Variants in PACS2 observed in about 807,000 individuals in gnomAD.
PACS2 encodes PACS1-like protein.
A neutral mutation model predicts 113.0 loss-of-function variants in PACS2; 36 were observed. The observed-to-expected ratio is 0.32, with a 90% CI of 0.24 to 0.42. The LOEUF (loss-of-function observed/expected upper bound fraction) is 0.42. Ranked by LOEUF, PACS2 falls within the 10% of genes least tolerant of loss-of-function variation. The pLI, the probability that PACS2 is intolerant of heterozygous loss-of-function variation, is 1.00. For missense variants in PACS2, 1,015 were observed against 1,239.5 expected (o/e 0.82, Z 2.72); for synonymous variants, 589 against 536.1 (o/e 1.10, Z -1.36).
At chr14:105,369,039 G>A (rs782426705) in intron 7 of PACS2, among the ~76,000 whole-genome samples, 1 of 152,244 alleles carries the variant, frequency 6.6e-6, no homozygotes, top group Non-Finnish European at 1.5e-5. Context: ...ACCGCCTGGC[G>A]CCTGGACACC....
Position 105,314,942 on chromosome 14 carries a change from C to T in PACS2, c.24C>T (p.Gly8=). ...CCATGGCCGAGCGAGGCCGCCTCGG[C>T]CTCCCCGGCGCGCCCGGCGCGCTCA... The part of the protein sequence containing the change: MAERGRL[G]LPGAPGALNT... Residue 8 remains glycine, a synonymous_variant, in exon 1 of 25, where the codon GGC becomes GGT. Transcript: ENST00000447393. 2 of 1,158,736 alleles carry T rather than the reference C, an allele frequency of 1.7e-6. No homozygotes were observed. Among genetic ancestry groups the T allele is most frequent in the Non-Finnish European group, 2.2e-6 (2 of 924,260 alleles). The allele number at this position is 1,158,736 out of a possible 1,614,324, so 71.8% of individuals were successfully genotyped here.
At chr14:105,380,236 G>A (rs1337573507) in intron 11 of PACS2, 82 bp downstream of exon 11, 12 of 1,207,092 alleles carry the variant, frequency 9.9e-6, no homozygotes, top group Middle Eastern at 3.8e-4. Flanking sequence ...CTGGAGGGGC[G>A]GGGCCCACAT....
Position 105,392,670 on chromosome 14 carries a change from A to G in PACS2, c.2307A>G (p.Ala769=), listed in dbSNP as rs2141315372. Reference sequence around the variant, plus strand: ...GGCTGCAGGTGGACTACTGGACGGCAGCACAGCCTGCGGACAGGAAGAGGG... The same window carrying G: ...GGCTGCAGGTGGACTACTGGACGGCGGCACAGCCTGCGGACAGGAAGAGGG... ...LMGLQVDYWT[A]AQPADRKRDA... The change falls in exon 23 of 25, where the codon GCA becomes GCG. Residue 769 remains alanine (A), a synonymous_variant. Transcript: ENST00000447393. 6.2e-7 allele frequency: 1 copy of G among 1,612,474 alleles called. No individual in the cohort carries two copies. The highest frequency in any genetic ancestry group is 8.5e-7 in the Non-Finnish European group (1 of 1,179,770).
chr14:105,385,684 G>C lies in PACS2; in HGVS notation c.2001-1G>C. 1 of 1,521,434 alleles carries C rather than the reference G, an allele frequency of 6.6e-7. No individual in the cohort carries two copies. The allele number at this position is 1,521,434 out of a possible 1,614,324, so 94.2% of individuals were successfully genotyped here. ...TTCTCTTTTGGTGGCTTTCTGAAAA[G>C]GAAAAAGCATTTTCATTTTGACTTT... is the stretch of plus-strand genomic sequence containing the variant. On this transcript the variant is annotated splice_acceptor_variant, in intron 18 of 24. Transcript: ENST00000447393. LOFTEE classifies it high-confidence loss of function.
chr14:105,387,892 G>T (rs2081232379), intron 19 of PACS2, among the ~76,000 whole-genome samples: 1 of 152,208 alleles, frequency 6.6e-6, no homozygotes. Flanking sequence ...GCGTGCCTGG[G>T]AGGACACAGA....
At chr14:105,377,835 G>T (rs887707812) in intron 9 of PACS2, among the ~76,000 whole-genome samples, 1 of 152,244 alleles carries the variant, frequency 6.6e-6, no homozygotes, top group Non-Finnish European at 1.5e-5. Flanking sequence ...CGAGGCTGTG[G>T]CCTCATTCTT....
intron 1 of PACS2, among the ~76,000 whole-genome samples, chr14:105,302,337 G>A (rs2058064232): frequency 6.6e-6 from 1 of 151,336 alleles, no homozygotes; most frequent in African/African-American, 2.4e-5. Flanking sequence ...CCGAGTAGCT[G>A]GGATTACAGG....
intron 16 of PACS2, 150 bp downstream of exon 16, chr14:105,383,663 C>T: frequency 1.6e-6 from 1 of 631,838 alleles, no homozygotes; most frequent in Non-Finnish European, 2.7e-6. Context: ...GGCGTGGTGT[C>T]CCTGCTTGCT....
At position 105,392,852 on chromosome 14, in the gene PACS2, T is replaced by A; in HGVS notation, c.2482+7T>A. 1 of 1,588,180 alleles carries A rather than the reference T, an allele frequency of 6.3e-7. No individual in the cohort carries two copies. Among genetic ancestry groups the A allele is most frequent in the Non-Finnish European group, 8.6e-7 (1 of 1,169,104 alleles). On this transcript the variant is annotated splice_region_variant and intron_variant, in intron 23 of 24. Transcript: ENST00000447393. ...AAGGAGAAGAACAAGAAGGGTGAGG[T>A]GGGGCAGGCTATAAGGCCACACGGC...
intron 12 of PACS2, 97 bp downstream of exon 12, chr14:105,381,196 C>A: frequency 1.9e-6 from 2 of 1,038,362 alleles, no homozygotes; most frequent in Non-Finnish European, 2.8e-6. Context: ...TCAGTCCATC[C>A]TGATGAGCTC....
At position 105,315,676 on chromosome 14, in the gene PACS2, C is replaced by T; in HGVS notation, c.119+639C>T. 1 of 152,334 alleles carries T rather than the reference C, an allele frequency of 6.6e-6. No individual in the cohort carries two copies. Among genetic ancestry groups the T allele is most frequent in the African/African-American group, 2.4e-5 (1 of 41,478 alleles). The allele number at this position is 152,334 out of a possible 1,614,324, so 9.4% of individuals were successfully genotyped here. On this transcript the variant is annotated intron_variant, in intron 1 of 24. Coordinates refer to ENST00000447393, the MANE Select transcript of PACS2 (RefSeq NM_001100913.3). The surrounding 1 kb of genome is among the most constrained non-coding windows in gnomAD (Gnocchi z 4.4). ...TGCACTTGGTAGGGGGGCGCCCGGT[C>T]GCCCAGCGGTAACGATTGGACAGGG...
chr14:105,393,206 T>G lies in PACS2; in HGVS notation c.2483-16T>G. Reference sequence around the variant, plus strand: ...GGAGCAGCAAGATGACAGCAGGGCCTCTTTTCTCCTCCCAGTGATGTTTCT... The same window carrying G: ...GGAGCAGCAAGATGACAGCAGGGCCGCTTTTCTCCTCCCAGTGATGTTTCT... On this transcript the variant is annotated splice_polypyrimidine_tract_variant and intron_variant, in intron 23 of 24. Coordinates refer to ENST00000447393, the MANE Select transcript of PACS2 (RefSeq NM_001100913.3). 2 of 1,594,636 alleles carry G rather than the reference T, an allele frequency of 1.3e-6. No individual in the cohort carries two copies. Among genetic ancestry groups the G allele is most frequent in the Non-Finnish European group, 1.7e-6 (2 of 1,163,424 alleles).
At chr14:105,353,477 C>T (rs113351746) in intron 3 of PACS2, among the ~76,000 whole-genome samples, 140 of 152,186 alleles carry the variant, frequency 9.2e-4, no homozygotes, top group Admixed American at 2.2e-3. Flanking sequence ...GAGCATTTGT[C>T]TCATCATTGC....
chr14:105,352,634 G>A lies in PACS2; in HGVS notation c.297+167G>A, dbSNP rs376933339. On this transcript the variant is annotated intron_variant, in intron 3 of 24. Transcript: ENST00000447393. Reference sequence around the variant, plus strand: ...GGGGAGACGGGCACGCCTCATCACCGTCCCCTGGGGAGACGGGCACCCCTC... The same window carrying A: ...GGGGAGACGGGCACGCCTCATCACCATCCCCTGGGGAGACGGGCACCCCTC... 3.2e-4 allele frequency among the ~76,000 whole-genome samples: 43 copies of A among 136,338 alleles called. No individual in the cohort carries two copies. In the East Asian group the frequency reaches 4.7e-3, roughly 15 times the overall value. The allele number at this position is 136,338 out of a possible 152,430, so 89.4% of individuals were successfully genotyped here. A position where few individuals can be genotyped will look rare whatever the true frequency, so the allele number is the denominator to read the frequency against.
In PACS2 at chr14:105,330,500, A is replaced by G. The variant is rs1045036163; in HGVS notation, c.119+15463A>G. Reference sequence around the variant, plus strand: ...GCAGAGTTTTCTTTCCGAGCACTCAATGCTCACCTCCTGGGAGGGAGTGGG... The same window carrying G: ...GCAGAGTTTTCTTTCCGAGCACTCAGTGCTCACCTCCTGGGAGGGAGTGGG... On this transcript the variant is annotated intron_variant, in intron 1 of 24. Transcript: ENST00000447393. This position sits in a 1 kb window ranked among gnomAD's most constrained non-coding sequence, Gnocchi z 6.9. 6.6e-6 allele frequency among the ~76,000 whole-genome samples: 1 copy of G among 152,178 alleles called. No individual in the cohort carries two copies. The highest frequency in any genetic ancestry group is 1.5e-5 in the Non-Finnish European group (1 of 68,018).
Position 105,354,186 on chromosome 14 carries a change from C to T in PACS2, c.298-866C>T, listed in dbSNP as rs1410378320. Among the ~76,000 whole-genome samples the T allele has an allele frequency of 6.6e-6, 1 of 152,026 alleles. No homozygotes were observed. Among genetic ancestry groups the T allele is most frequent in the Non-Finnish European group, 1.5e-5 (1 of 68,014 alleles). On this transcript the variant is annotated intron_variant, in intron 3 of 24. Coordinates refer to ENST00000447393, the MANE Select transcript of PACS2 (RefSeq NM_001100913.3). This position sits in a 1 kb window ranked among gnomAD's most constrained non-coding sequence, Gnocchi z 4.2. ...AAAAAGATAGGGGAAACTCAGAGTT[C>T]ACAAGCAATCCCAGCTCTTCGGGAG...
intron 24 of PACS2, chr14:105,393,645 A>C: frequency 3.6e-6 from 1 of 277,080 alleles, no homozygotes; most frequent in Non-Finnish European, 6.7e-6. Context: ...GCTGGAGTGC[A>C]ATGGTGTGAT....
chr14:105,369,818 ACT>A, intron 7 of PACS2, 21 bp from the exon 8 acceptor site: 1 of 1,557,558 alleles, frequency 6.4e-7, no homozygotes, highest in South Asian at 1.2e-5. Context: ...GGCGGCTCTG[ACT>A]CTGCACCGCC....
intron 4 of PACS2, among the ~76,000 whole-genome samples, chr14:105,359,474 A>AT (rs2060587085): frequency 6.7e-6 from 1 of 150,260 alleles, no homozygotes; most frequent in Non-Finnish European, 1.5e-5. Flanking sequence ...CACCCAACTA[A>AT]TTTTTTTATT....
Sources: gnomAD v4.1 joint callset for allele counts (sites outside exome capture counted in the v4.1 genomes callset) on GRCh38, gnomAD v4.1.1 for gene constraint, Gnocchi (gnomAD v3.1) non-coding constraint, MANE v1.5 for transcripts, NCBI Gene and HGNC (gene_info 2026-07-23, HGNC 2026-07-21) for gene names.